The following USP6NL variants were observed in gnomAD, a reference collection of about 807,000 sequenced individuals.
USP6NL encodes USP6 N-terminal-like protein.
In USP6NL, 26 loss-of-function variants were observed where a neutral mutation model predicts 61.9. The ratio of observed to expected loss-of-function variants is 0.42; its 90% CI spans 0.31 to 0.58. The LOEUF (loss-of-function observed/expected upper bound fraction) is 0.58. Ranked by LOEUF, USP6NL falls within the 20% of genes least tolerant of loss-of-function variation. The pLI, the probability that USP6NL is intolerant of heterozygous loss-of-function variation, is 0.16. For missense variants in USP6NL, 1,114 were observed against 1,034.3 expected (o/e 1.08, Z -1.06); for synonymous variants, 432 against 390.1 (o/e 1.11, Z -1.27).
chr10:11,581,108 T>A (rs1007139966), intron 2 of USP6NL, among the ~76,000 whole-genome samples: 2 of 152,098 alleles, frequency 1.3e-5, no homozygotes, highest in African/African-American at 4.8e-5. Flanking sequence ...TCAATACACA[T>A]CTCTAATAGT....
chr10:11,518,621 A>G lies in USP6NL; in HGVS notation c.156-47T>C, dbSNP rs149034463. 1,424 of 1,477,534 alleles carry G rather than the reference A, an allele frequency of 9.6e-4. 12 individuals are homozygous for G. In the African/African-American group the frequency reaches 0.016, roughly 17 times the overall value. The allele number at this position is 1,477,534 out of a possible 1,614,324, so 91.5% of individuals were successfully genotyped here. ...ATATGAAATTGTTGAAATCAAAACA[A>G]ACTTTTAAAAGCTTATATACTTATA... On this transcript the variant is annotated intron_variant, in intron 4 of 14. Coordinates refer to ENST00000609104, the MANE Select transcript of USP6NL (RefSeq NM_014688.5). The surrounding 1 kb of genome is among the most constrained non-coding windows in gnomAD (Gnocchi z 5.3).
chr10:11,585,128 T>C lies in USP6NL; in HGVS notation c.4+12503A>G, dbSNP rs1319373462. On this transcript the variant is annotated intron_variant, in intron 2 of 14. Coordinates refer to ENST00000609104, the MANE Select transcript of USP6NL (RefSeq NM_014688.5). This position sits in a 1 kb window ranked among gnomAD's most constrained non-coding sequence, Gnocchi z 4.5. ...ATGATGCAAGAGAAAATGTAAACAGTGAGTCCATGAAAAAGTTATCTTGTC... is the reference window on the plus strand; with the variant it reads ...ATGATGCAAGAGAAAATGTAAACAGCGAGTCCATGAAAAAGTTATCTTGTC... Among the ~76,000 whole-genome samples the C allele has an allele frequency of 1.3e-5, 2 of 152,200 alleles. No homozygotes were observed. Among genetic ancestry groups the C allele is most frequent in the East Asian group, 1.9e-4 (1 of 5,180 alleles).
rs1415793702 is a variant in USP6NL, at chr10:11,509,687, T to C, written c.196-12A>G. ...TCCAGGTGCTTTTGCTAAAATAAAA[T>C]TGAAATTCATTGTTATTGTTGTTCG... On this transcript the variant is annotated splice_polypyrimidine_tract_variant and intron_variant, in intron 5 of 14. Transcript: ENST00000609104. 1.9e-6 allele frequency: 3 copies of C among 1,540,436 alleles called. No individual in the cohort carries two copies. The highest frequency in any genetic ancestry group is 2.6e-6 in the Non-Finnish European group (3 of 1,138,212).
intron 5 of USP6NL, among the ~76,000 whole-genome samples, chr10:11,516,551 T>C (rs781052544): frequency 2.2e-4 from 34 of 152,310 alleles, no homozygotes; most frequent in Non-Finnish European, 4.4e-4. Context: ...CTGTTTTGCA[T>C]GTGGCTAAGT....
intron 14 of USP6NL, among the ~76,000 whole-genome samples, chr10:11,473,730 G>C (rs1832853938): frequency 6.6e-6 from 1 of 152,116 alleles, no homozygotes; most frequent in Non-Finnish European, 1.5e-5. Flanking sequence ...TCCTTGGTAA[G>C]CTACTAATAA....
chr10:11,511,528 C>G lies in USP6NL; in HGVS notation c.196-1853G>C, dbSNP rs1834713689. Among the ~76,000 whole-genome samples the G allele has an allele frequency of 6.6e-6, 1 of 152,170 alleles. No homozygotes were observed. The highest frequency in any genetic ancestry group is 1.5e-5 in the Non-Finnish European group (1 of 68,024). ...ACAGGAAAACACCAAATAATTCAAGCCAACCCAAGAGTATAACAACATACA... is the reference window on the plus strand; with the variant it reads ...ACAGGAAAACACCAAATAATTCAAGGCAACCCAAGAGTATAACAACATACA... On this transcript the variant is annotated intron_variant, in intron 5 of 14. Transcript: ENST00000609104. The surrounding 1 kb of genome is among the most constrained non-coding windows in gnomAD (Gnocchi z 4.9).
At chr10:11,538,152 G>A (rs1036517492) in intron 2 of USP6NL, among the ~76,000 whole-genome samples, 2 of 152,040 alleles carry the variant, frequency 1.3e-5, no homozygotes, top group African/African-American at 4.8e-5. Flanking sequence ...TCTATTATTT[G>A]CTTCCTAATT....
chr10:11,515,987 G>A (rs754163081), intron 5 of USP6NL, among the ~76,000 whole-genome samples: 18 of 152,058 alleles, frequency 1.2e-4, no homozygotes, highest in Non-Finnish European at 2.1e-4. Flanking sequence ...TACATGAAGG[G>A]ATAGCTGAAT....
intron 2 of USP6NL, among the ~76,000 whole-genome samples, chr10:11,551,350 T>C (rs1209066252): frequency 1.3e-5 from 2 of 152,158 alleles, no homozygotes; most frequent in Non-Finnish European, 2.9e-5. Context: ...AAAGACCTCA[T>C]ACTGTAGAAC....
In USP6NL at chr10:11,485,382, A is replaced by G; in HGVS notation, c.760-148T>C. 1.6e-6 allele frequency: 1 copy of G among 637,360 alleles called. No individual in the cohort carries two copies. The highest frequency in any genetic ancestry group is 2.2e-5 in the South Asian group (1 of 46,070). 39.5% of individuals were successfully genotyped at this position (637,360 alleles called of 1,614,324 possible). ...ACTCCAAGAATAAATTCCTCTTAGG[A>G]CTGTAATACAACAATTAGATTCTCT... On this transcript the variant is annotated intron_variant, in intron 11 of 14. Coordinates refer to ENST00000609104, the MANE Select transcript of USP6NL (RefSeq NM_014688.5). This position sits in a 1 kb window ranked among gnomAD's most constrained non-coding sequence, Gnocchi z 4.8.
At chr10:11,603,609 C>A (rs920260680) in intron 1 of USP6NL, among the ~76,000 whole-genome samples, 1 of 152,130 alleles carries the variant, frequency 6.6e-6, no homozygotes, top group Non-Finnish European at 1.5e-5. Context: ...GCCCTATCTT[C>A]AAAAATCTAT....
At chr10:11,610,012 A>T (rs1466104664) in intron 1 of USP6NL, among the ~76,000 whole-genome samples, 2 of 152,188 alleles carry the variant, frequency 1.3e-5, no homozygotes. Context: ...CAGGGCCCAA[A>T]TTCTTAATAT....
rs912394570 is a variant in USP6NL, at chr10:11,485,696, T to C, written c.759+121A>G. 7 of 661,020 alleles carry C rather than the reference T, an allele frequency of 1.1e-5. No homozygotes were observed. The African/African-American group carries it at 1.3e-4, about 12-fold the overall frequency. The allele number at this position is 661,020 out of a possible 1,614,324, so 40.9% of individuals were successfully genotyped here. On this transcript the variant is annotated intron_variant, in intron 11 of 14. Transcript: ENST00000609104. The surrounding 1 kb of genome is among the most constrained non-coding windows in gnomAD (Gnocchi z 4.8). ...TAAACAACTGGGAATTATAACTGCA[T>C]AGTAAATGAAATGGATGACACTATA... is the stretch of plus-strand genomic sequence containing the variant.
chr10:11,513,307 A>G lies in USP6NL; in HGVS notation c.196-3632T>C, dbSNP rs950622185. ...GTAATACAGAAGTAACCAGAAGTTA[A>G]TAATATCCCGTATGTGGCAGAATGG... On this transcript the variant is annotated intron_variant, in intron 5 of 14. Transcript: ENST00000609104. This position sits in a 1 kb window ranked among gnomAD's most constrained non-coding sequence, Gnocchi z 4.7. Among the ~76,000 whole-genome samples, 1 of 152,270 alleles carries G rather than the reference A, an allele frequency of 6.6e-6. No individual in the cohort carries two copies. The highest frequency in any genetic ancestry group is 1.5e-5 in the Non-Finnish European group (1 of 68,050).
At chr10:11,593,387 G>A (rs1838220050) in intron 2 of USP6NL, among the ~76,000 whole-genome samples, 1 of 151,806 alleles carries the variant, frequency 6.6e-6, no homozygotes, top group Admixed American at 6.6e-5. Context: ...TCACTATTTT[G>A]TGCCTTGTGT....
intron 4 of USP6NL, among the ~76,000 whole-genome samples, chr10:11,519,357 C>A (rs1003819887): frequency 6.6e-6 from 1 of 152,182 alleles, no homozygotes; most frequent in Non-Finnish European, 1.5e-5. Context: ...TGGCTGGGTG[C>A]GGTGGCTCAC....
chr10:11,567,676 T>C (rs770237020), intron 2 of USP6NL, among the ~76,000 whole-genome samples: 3 of 152,174 alleles, frequency 2.0e-5, no homozygotes, highest in Non-Finnish European at 2.9e-5. Context: ...TTATTAGCCA[T>C]CTAAGAGATC....
In USP6NL at chr10:11,562,498, G is replaced by A. The variant is rs1024099008; in HGVS notation, c.5-34931C>T. On this transcript the variant is annotated intron_variant, in intron 2 of 14. Transcript: ENST00000609104. This position sits in a 1 kb window ranked among gnomAD's most constrained non-coding sequence, Gnocchi z 4.8. ...GGATTAAGTGTGGCTGAGGAGAAAC[G>A]TGAAAAGAGCCGGGTCACTCAAGAC... 23 of 985,284 alleles carry A rather than the reference G, an allele frequency of 2.3e-5. No individual in the cohort carries two copies. The African/African-American group carries it at 2.6e-4, about 11-fold the overall frequency. The allele number at this position is 985,284 out of a possible 1,614,324, so 61.0% of individuals were successfully genotyped here. A position where few individuals can be genotyped will look rare whatever the true frequency, so the allele number is the denominator to read the frequency against.
intron 2 of USP6NL, among the ~76,000 whole-genome samples, chr10:11,558,106 G>C (rs1836784941): frequency 6.6e-6 from 1 of 152,160 alleles, no homozygotes; most frequent in South Asian, 2.1e-4. Flanking sequence ...GTACAAAGTA[G>C]CCGTAAAGTT....
Sources: allele counts gnomAD v4.1 joint callset (sites outside exome capture counted in the v4.1 genomes callset), GRCh38; gene constraint gnomAD v4.1.1; non-coding constraint Gnocchi (gnomAD v3.1); transcripts MANE v1.5; gene names NCBI Gene and HGNC (gene_info 2026-07-23, HGNC 2026-07-21).